The following LRIG1 variants were observed in gnomAD, a reference collection of about 807,000 sequenced individuals.
The protein encoded by LRIG1 is leucine rich repeats and immunoglobulin like domains 1, also known as leucine-rich repeats and immunoglobulin-like domains protein 1.
Under a neutral mutation model 99.2 loss-of-function variants are expected in LRIG1, and 48 were observed. That is an observed-to-expected ratio of 0.48 (90% CI 0.38 to 0.62). The LOEUF is 0.62. Ranked by LOEUF, LRIG1 falls within the 20% of genes least tolerant of loss-of-function variation. LRIG1 has a pLI of 0.00. For missense variants in LRIG1, 1,646 were observed against 1,434.4 expected (o/e 1.15, Z -2.38); for synonymous variants, 772 against 596.1 (o/e 1.29, Z -4.30).
At chr3:66,406,883 T>C (rs1702287564) in intron 8 of LRIG1, among the ~76,000 whole-genome samples, 1 of 152,184 alleles carries the variant, frequency 6.6e-6, no homozygotes, top group South Asian at 2.1e-4. Context: ...GCTGAAGAAG[T>C]TCAAATGCTC....
chr3:66,464,344 G>A (rs367991804), intron 1 of LRIG1, among the ~76,000 whole-genome samples: 7 of 152,120 alleles, frequency 4.6e-5, no homozygotes, highest in African/African-American at 1.4e-4. Flanking sequence ...TGGTGAGCCT[G>A]CCCTGTGTGT....
chr3:66,385,239 C>G (rs970811870), intron 13 of LRIG1, among the ~76,000 whole-genome samples: 5 of 152,134 alleles, frequency 3.3e-5, no homozygotes, highest in Non-Finnish European at 7.4e-5. Flanking sequence ...TGCCAGGACA[C>G]TGTGTCTTTC....
intron 9 of LRIG1, chr3:66,404,248 C>G (rs1404158482): frequency 3.1e-6 from 4 of 1,289,204 alleles, no homozygotes; most frequent in Non-Finnish European, 4.0e-6. Flanking sequence ...AGGCTCTCCT[C>G]TATCATCGAG....
At chr3:66,411,792 G>C (rs545217290) in intron 6 of LRIG1, among the ~76,000 whole-genome samples, 1 of 152,256 alleles carries the variant, frequency 6.6e-6, no homozygotes, top group Non-Finnish European at 1.5e-5. Flanking sequence ...GGAGGAAATC[G>C]CAAGTGGATA....
intron 6 of LRIG1, among the ~76,000 whole-genome samples, chr3:66,410,503 T>A (rs907984393): frequency 1.3e-5 from 2 of 152,186 alleles, no homozygotes; most frequent in Admixed American, 6.5e-5. Flanking sequence ...CGAGTGTTCA[T>A]AGGGCAAGAG....
At chr3:66,437,165 G>C (rs571013167) in intron 3 of LRIG1, among the ~76,000 whole-genome samples, 43 of 152,356 alleles carry the variant, frequency 2.8e-4, no homozygotes, top group African/African-American at 9.6e-4. Flanking sequence ...CGCCTGCAGG[G>C]ATCTGCAGTG....
intron 17 of LRIG1, 26 bp from the exon 18 acceptor site, chr3:66,380,887 T>G: frequency 1.9e-6 from 3 of 1,608,604 alleles, no homozygotes; most frequent in Non-Finnish European, 2.6e-6. Flanking sequence ...AAAGATGGGT[T>G]AGAGTCACTG....
At chr3:66,431,214 C>T (rs1703161988) in intron 3 of LRIG1, among the ~76,000 whole-genome samples, 1 of 152,168 alleles carries the variant, frequency 6.6e-6, no homozygotes, top group African/African-American at 2.4e-5. Flanking sequence ...CACATGTGTC[C>T]CTGCCTGTTC....
intron 3 of LRIG1, among the ~76,000 whole-genome samples, chr3:66,430,855 C>A (rs1703148010): frequency 6.6e-6 from 1 of 152,178 alleles, no homozygotes; most frequent in Admixed American, 6.5e-5. Context: ...TGCTCAGGGC[C>A]AACATAGACA....
rs1270642438 is a variant in LRIG1 at position 66,416,464 on chromosome 3, C to G, written c.503+665G>C. Among the ~76,000 whole-genome samples the G allele has an allele frequency of 2.6e-5, 4 of 152,190 alleles. No individual in the cohort carries two copies. In the East Asian group the frequency reaches 7.7e-4, roughly 29 times the overall value. The stretch of plus-strand genomic sequence containing the variant: ...CTGGAATTGGAAAACGTCTCTTTAG[C>G]CTGGGGTTGCAGTTTCTTTCCCAGA... On this transcript the variant is annotated intron_variant, in intron 4 of 18. Coordinates refer to ENST00000273261, the MANE Select transcript of LRIG1 (RefSeq NM_015541.3).
intron 9 of LRIG1, chr3:66,401,625 T>C (rs957786762): frequency 6.5e-7 from 1 of 1,528,072 alleles, no homozygotes; most frequent in Admixed American, 2.0e-5. Context: ...CCAGCAGACA[T>C]ATGGGGCTGG....
chr3:66,448,572 T>C lies in LRIG1; in HGVS notation c.365+2987A>G, dbSNP rs1202603968. Among the ~76,000 whole-genome samples the C allele has an allele frequency of 2.0e-5, 3 of 152,196 alleles. No homozygotes were observed. The East Asian group carries it at 5.8e-4, about 29-fold the overall frequency. ...ACTTCTACCATCTGCTTCAACTTCC[T>C]CATCTGAGAAAAAAAGTAACGTATG... On this transcript the variant is annotated intron_variant, in intron 3 of 18. Transcript: ENST00000273261.
At chr3:66,444,557 G>A (rs1219459968) in intron 3 of LRIG1, among the ~76,000 whole-genome samples, 2 of 152,210 alleles carry the variant, frequency 1.3e-5, no homozygotes, top group African/African-American at 4.8e-5. Flanking sequence ...TGAGCCCCAG[G>A]AGTGGTTCTC....
At chr3:66,414,427 T>C (rs1028334602) in intron 5 of LRIG1, among the ~76,000 whole-genome samples, 7 of 151,460 alleles carry the variant, frequency 4.6e-5, no homozygotes, top group African/African-American at 7.3e-5. Context: ...TAAATAATAA[T>C]AATAATAAAT....
At chr3:66,489,227 G>C (rs571915750) in intron 1 of LRIG1, among the ~76,000 whole-genome samples, 1 of 152,106 alleles carries the variant, frequency 6.6e-6, no homozygotes, top group Non-Finnish European at 1.5e-5. Flanking sequence ...ATTTCACTCA[G>C]AAGTAGCAAA....
intron 1 of LRIG1, among the ~76,000 whole-genome samples, chr3:66,480,618 C>T (rs1700827497): frequency 6.6e-6 from 1 of 152,108 alleles, no homozygotes; most frequent in Non-Finnish European, 1.5e-5. Flanking sequence ...CAAAAGAACA[C>T]CCAGAAAGAA....
chr3:66,417,094 G>C (rs370221905), intron 4 of LRIG1, 35 bp downstream of exon 4: 7 of 1,607,556 alleles, frequency 4.4e-6, no homozygotes, highest in East Asian at 2.2e-5. Flanking sequence ...TGGACACAGC[G>C]GGCCAGCCAC....
chr3:66,466,067 T>G (rs552629713), intron 1 of LRIG1, among the ~76,000 whole-genome samples: 8 of 152,316 alleles, frequency 5.3e-5, no homozygotes, highest in African/African-American at 1.7e-4. Flanking sequence ...GGTCTCACTC[T>G]GTCACCCAGG....
intron 6 of LRIG1, among the ~76,000 whole-genome samples, chr3:66,411,216 A>G (rs775298169): frequency 1.3e-5 from 2 of 152,170 alleles, no homozygotes; most frequent in Non-Finnish European, 1.5e-5. Flanking sequence ...CTCTTCAACA[A>G]AAGTCCGTAA....
Sources: allele counts gnomAD v4.1 joint callset (sites outside exome capture counted in the v4.1 genomes callset), GRCh38; gene constraint gnomAD v4.1.1; transcripts MANE v1.5; gene names NCBI Gene and HGNC (gene_info 2026-07-23, HGNC 2026-07-21).